Variants in SPIDR observed in about 807,000 individuals in gnomAD.
SPIDR encodes the protein DNA repair-scaffolding protein.
A neutral mutation model predicts 104.6 loss-of-function variants in SPIDR; 93 were observed. The observed-to-expected ratio is 0.89, with a 90% CI of 0.75 to 1.06. The LOEUF (loss-of-function observed/expected upper bound fraction) is 1.06. Ranked by LOEUF, SPIDR falls within the 50% of genes least tolerant of loss-of-function variation. The pLI is 0.00. For missense variants in SPIDR, 1,154 were observed against 1,111.2 expected (o/e 1.04, Z -0.55); for synonymous variants, 431 against 416.9 (o/e 1.03, Z -0.41).
At chr8:47,534,112 C>T (rs940464049) in intron 8 of SPIDR, among the ~76,000 whole-genome samples, 2 of 152,218 alleles carry the variant, frequency 1.3e-5, no homozygotes, top group Non-Finnish European at 2.9e-5. Context: ...TGCTGGCACT[C>T]ATTCTCTCTC....
At chr8:47,431,642 G>A (rs2067381397) in intron 7 of SPIDR, among the ~76,000 whole-genome samples, 7 of 152,080 alleles carry the variant, frequency 4.6e-5, no homozygotes, top group Admixed American at 4.6e-4. Flanking sequence ...CTTTTTGATC[G>A]CCTGGTCAGT....
chr8:47,574,828 A>G (rs902900119), intron 8 of SPIDR, among the ~76,000 whole-genome samples: 4 of 152,012 alleles, frequency 2.6e-5, no homozygotes, highest in South Asian at 2.1e-4. Context: ...TATCAAGGCA[A>G]TCTGTATTAT....
At chr8:47,722,964 G>A (rs547387458) in intron 16 of SPIDR, among the ~76,000 whole-genome samples, 11 of 152,150 alleles carry the variant, frequency 7.2e-5, no homozygotes, top group South Asian at 6.2e-4. Context: ...TCAGCCTCCC[G>A]AGTAACTAGG....
intron 1 of SPIDR, among the ~76,000 whole-genome samples, chr8:47,262,280 G>A (rs1318749895): frequency 6.6e-6 from 1 of 151,880 alleles, no homozygotes; most frequent in Non-Finnish European, 1.5e-5. Flanking sequence ...TTGAATTGAC[G>A]TTCACTTCTG....
In SPIDR at chr8:47,406,294, C is replaced by G. The variant is rs575367711; in HGVS notation, c.777-1567C>G. ...GGAACCAGACTGCCTAGGCGTGCATCCAGCTACACCACTCATTAGACATTT... is the reference window on the plus strand; with the variant it reads ...GGAACCAGACTGCCTAGGCGTGCATGCAGCTACACCACTCATTAGACATTT... On this transcript the variant is annotated intron_variant, in intron 6 of 19. Transcript: ENST00000297423. Among the ~76,000 whole-genome samples, 181 of 152,228 alleles carry G rather than the reference C, an allele frequency of 1.2e-3. 1 individual carries two copies. The highest frequency in any genetic ancestry group is 3.4e-3 in the Middle Eastern group (1 of 294).
At chr8:47,278,321 A>ATTT (rs1293830434) in intron 1 of SPIDR, among the ~76,000 whole-genome samples, 1 of 137,950 alleles carries the variant, frequency 7.2e-6, no homozygotes, top group African/African-American at 2.7e-5. Flanking sequence ...ACACCCAGCT[A>ATTT]TTTTTTTTTT....
intron 5 of SPIDR, among the ~76,000 whole-genome samples, chr8:47,325,192 CA>C (rs1250839017): frequency 6.6e-6 from 1 of 151,670 alleles, no homozygotes; most frequent in African/African-American, 2.4e-5. Context: ...ATTTTTTAAG[CA>C]AAAAAATAAG....
chr8:47,531,013 C>T (rs1280523366), intron 8 of SPIDR, among the ~76,000 whole-genome samples: 5 of 151,864 alleles, frequency 3.3e-5, no homozygotes, highest in Admixed American at 6.6e-5. Context: ...TGGGCACAAG[C>T]GACCCTCCCA....
intron 12 of SPIDR, among the ~76,000 whole-genome samples, chr8:47,700,894 A>C (rs376806384): frequency 6.6e-6 from 1 of 152,232 alleles, no homozygotes; most frequent in Non-Finnish European, 1.5e-5. Context: ...AATACAATCC[A>C]TAGACATTCG....
At chr8:47,275,709 T>C (rs1024590903) in intron 1 of SPIDR, among the ~76,000 whole-genome samples, 3 of 152,234 alleles carry the variant, frequency 2.0e-5, no homozygotes, top group African/African-American at 7.2e-5. Context: ...AACATTAAAA[T>C]AGTTATGTCA....
chr8:47,662,017 T>C (rs946377351), intron 10 of SPIDR, among the ~76,000 whole-genome samples: 12 of 152,186 alleles, frequency 7.9e-5, no homozygotes, highest in Non-Finnish European at 8.8e-5. Flanking sequence ...CTCCTTGTTC[T>C]CTGAAATGAG....
chr8:47,596,064 G>A (rs2061591967), intron 9 of SPIDR, 58 bp downstream of exon 9: 6 of 1,488,542 alleles, frequency 4.0e-6, no homozygotes, highest in Non-Finnish European at 5.5e-6. Context: ...GACTGGATTT[G>A]GAAGGGCTTC....
chr8:47,343,205 A>C (rs1563680019), intron 5 of SPIDR, among the ~76,000 whole-genome samples: 1 of 152,172 alleles, frequency 6.6e-6, no homozygotes, highest in Non-Finnish European at 1.5e-5. Flanking sequence ...TGACAGTATT[A>C]AAATTAAGAT....
intron 8 of SPIDR, among the ~76,000 whole-genome samples, chr8:47,528,703 A>G (rs1023988062): frequency 2.0e-5 from 3 of 152,146 alleles, no homozygotes; most frequent in Admixed American, 6.5e-5. Context: ...ATGGCCACTG[A>G]AAGAATTAGT....
chr8:47,735,261 C>T (rs761028019), intron 19 of SPIDR, 46 bp from the exon 20 acceptor site: 2 of 1,585,116 alleles, frequency 1.3e-6, no homozygotes, highest in East Asian at 2.2e-5. Flanking sequence ...GGGAACAGTA[C>T]GTCCCAGGCT....
chr8:47,599,147 A>G lies in SPIDR; in HGVS notation c.1495A>G (p.Arg499Gly). The G allele has an allele frequency of 6.2e-7, 1 of 1,613,632 alleles. No individual in the cohort carries two copies. Residue 499 changes from arginine (R) to glycine (G), a missense_variant, in exon 10 of 20, where the codon AGG (arginine) becomes GGG (glycine). Physicochemically the swap from Arg to Gly is moderately radical, Grantham distance 125 (BLOSUM62 -2). Coordinates refer to ENST00000297423, the MANE Select transcript of SPIDR (RefSeq NM_001080394.4). ...TTCTCTTCCCAGCAGAGACAGCACCAGGGGTCAGCAGGGGGCCAGCTCAGG... is the reference window on the plus strand; with the variant it reads ...TTCTCTTCCCAGCAGAGACAGCACCGGGGGTCAGCAGGGGGCCAGCTCAGG... ...VYSLPSRDST[R>G]GQQGASSGHT... is the part of the protein sequence containing the mutation.
chr8:47,501,594 G>A (rs1425241335), intron 8 of SPIDR, among the ~76,000 whole-genome samples: 2 of 152,156 alleles, frequency 1.3e-5, no homozygotes, highest in African/African-American at 4.8e-5. Context: ...TGCAAACAGG[G>A]ACAATTTGAC....
At chr8:47,277,887 G>A (rs1340955029) in intron 1 of SPIDR, among the ~76,000 whole-genome samples, 14 of 151,824 alleles carry the variant, frequency 9.2e-5, no homozygotes, top group African/African-American at 3.4e-4. Context: ...TGTTGGTCAG[G>A]CTGGTCTTAA....
intron 5 of SPIDR, among the ~76,000 whole-genome samples, chr8:47,355,649 CATT>C (rs2154285426): frequency 6.6e-6 from 1 of 152,306 alleles, no homozygotes; most frequent in South Asian, 2.1e-4. Context: ...TCCTTTGGGA[CATT>C]TTTCTGCATG....
Sources: gnomAD v4.1 joint callset for allele counts (sites outside exome capture counted in the v4.1 genomes callset) on GRCh38, gnomAD v4.1.1 for gene constraint, MANE v1.5 for transcripts, NCBI Gene and HGNC (gene_info 2026-07-23, HGNC 2026-07-21) for gene names.